ADTRP: variants seen among roughly 807,000 people sequenced by gnomAD.
The protein encoded by ADTRP is androgen-dependent TFPI-regulating protein.
A neutral mutation model predicts 27.0 loss-of-function variants in ADTRP; 20 were observed. The observed-to-expected ratio is 0.74, with a 90% confidence interval of 0.52 to 1.08. ADTRP has a LOEUF of 1.08. ADTRP is among the 50% of genes least tolerant of loss of function. ADTRP has a pLI of 0.00. For missense variants in ADTRP, 251 were observed against 275.0 expected (o/e 0.91, Z 0.62); for synonymous variants, 101 against 105.2 (o/e 0.96, Z 0.25).
intron 4 of ADTRP, among the ~76,000 whole-genome samples, chr6:11,734,548 G>A (rs1762484529): frequency 6.6e-6 from 1 of 152,160 alleles, no homozygotes; most frequent in Non-Finnish European, 1.5e-5. Context: ...GGGAAAGAGG[G>A]GCACAGAAAG....
chr6:11,777,305 G>A (rs953129664), intron 1 of ADTRP, among the ~76,000 whole-genome samples: 4 of 151,796 alleles, frequency 2.6e-5, no homozygotes, highest in Admixed American at 2.6e-4. Flanking sequence ...TGAGTGTGGT[G>A]ATAAATCTAT....
intron 3 of ADTRP, among the ~76,000 whole-genome samples, chr6:11,758,126 T>C (rs1763271040): frequency 6.6e-6 from 1 of 152,214 alleles, no homozygotes; most frequent in South Asian, 2.1e-4. Flanking sequence ...GGAAGTGACC[T>C]TCCCTTTAGA....
chr6:11,741,731 A>AC (rs1276762825), intron 3 of ADTRP, among the ~76,000 whole-genome samples: 1 of 151,470 alleles, frequency 6.6e-6, no homozygotes, highest in African/African-American at 2.4e-5. Flanking sequence ...TAAAAAAAAA[A>AC]GATATGGGAT....
In ADTRP at chr6:11,727,306, C is replaced by T. The variant is rs560924965; in HGVS notation, c.507-3806G>A. On this transcript the variant is annotated intron_variant, in intron 4 of 5. Transcript: ENST00000414691. ...AAGTGCTGGGATTACAAGCATGAGCCACCATGGCCAGCCTAGAGTTCTTTA... is the reference window on the plus strand; with the variant it reads ...AAGTGCTGGGATTACAAGCATGAGCTACCATGGCCAGCCTAGAGTTCTTTA... Among the ~76,000 whole-genome samples, 7 of 152,334 alleles carry T rather than the reference C, an allele frequency of 4.6e-5. No individual in the cohort carries two copies. In the South Asian group the frequency reaches 1.5e-3, roughly 32 times the overall value.
intron 4 of ADTRP, among the ~76,000 whole-genome samples, chr6:11,725,564 C>A (rs1460190995): frequency 6.6e-6 from 1 of 152,104 alleles, no homozygotes; most frequent in African/African-American, 2.4e-5. Flanking sequence ...GAAATTGGAA[C>A]CCTTGTTCAT....
chr6:11,723,215 G>T, intron 5 of ADTRP, 134 bp downstream of exon 5: 1 of 1,279,552 alleles, frequency 7.8e-7, no homozygotes, highest in Non-Finnish European at 1.1e-6. Context: ...GGCAGGACCT[G>T]TCTGAGTACT....
chr6:11,755,096 A>T (rs2235402), intron 3 of ADTRP: 224,222 of 984,512 alleles, frequency 0.23, 29,473 homozygotes, highest in East Asian at 0.66. Context: ...ATGGTTGCCA[A>T]GGATGTGAGC....
chr6:11,758,799 G>A (rs1763309496), intron 3 of ADTRP, among the ~76,000 whole-genome samples: 1 of 152,156 alleles, frequency 6.6e-6, no homozygotes, highest in Non-Finnish European at 1.5e-5. Flanking sequence ...TCAGGGTGGT[G>A]TTGGTACATT....
intron 4 of ADTRP, among the ~76,000 whole-genome samples, chr6:11,725,660 T>C (rs1247395879): frequency 2.0e-5 from 3 of 152,126 alleles, no homozygotes; most frequent in Non-Finnish European, 4.4e-5. Flanking sequence ...TACCATCTGA[T>C]CCAGCAATTC....
intron 4 of ADTRP, among the ~76,000 whole-genome samples, chr6:11,727,770 G>T (rs1441838144): frequency 5.3e-5 from 8 of 152,118 alleles, no homozygotes; most frequent in African/African-American, 1.9e-4. Context: ...CAGAGATACA[G>T]AGTATGAGGC....
chr6:11,740,333 C>A (rs1214382633), intron 3 of ADTRP, among the ~76,000 whole-genome samples: 1 of 152,168 alleles, frequency 6.6e-6, no homozygotes, highest in African/African-American at 2.4e-5. Flanking sequence ...AACAAGATCT[C>A]ATTTCTGAGT....
chr6:11,744,652 T>C (rs1234512034), intron 3 of ADTRP, among the ~76,000 whole-genome samples: 1 of 152,148 alleles, frequency 6.6e-6, no homozygotes, highest in Non-Finnish European at 1.5e-5. Flanking sequence ...TCTTCATCAA[T>C]CTGTAATTCA....
intron 4 of ADTRP, among the ~76,000 whole-genome samples, chr6:11,732,402 A>G (rs969844296): frequency 7.2e-5 from 11 of 152,172 alleles, no homozygotes; most frequent in African/African-American, 2.7e-4. Context: ...CAGTGGGCCC[A>G]TAGCCACTTC....
At chr6:11,714,917 A>C (rs210914) in intron 5 of ADTRP, among the ~76,000 whole-genome samples, 130,996 of 152,216 alleles carry the variant, frequency 0.86, 56,703 homozygotes, top group East Asian at 1. Context: ...TGGATGTTCA[A>C]CTAATTGGGG....
intron 3 of ADTRP, among the ~76,000 whole-genome samples, chr6:11,759,477 T>C (rs908146021): frequency 5.9e-5 from 9 of 152,198 alleles, no homozygotes; most frequent in African/African-American, 2.2e-4. Flanking sequence ...ACTTTTTCTA[T>C]TGATAGGTAA....
chr6:11,729,431 T>G (rs950368286), intron 4 of ADTRP, among the ~76,000 whole-genome samples: 6 of 152,166 alleles, frequency 3.9e-5, no homozygotes, highest in African/African-American at 7.2e-5. Context: ...CCCATGGTTT[T>G]CTAACTTCCT....
chr6:11,752,205 G>A (rs1028257299), intron 3 of ADTRP, among the ~76,000 whole-genome samples: 1 of 151,928 alleles, frequency 6.6e-6, no homozygotes, highest in African/African-American at 2.4e-5. Context: ...TTACTTTCTT[G>A]TTGGTAAGCC....
chr6:11,735,535 A>T lies in ADTRP; in HGVS notation c.506+33T>A, dbSNP rs2281127. On this transcript the variant is annotated intron_variant, in intron 4 of 5. Coordinates refer to ENST00000414691, the MANE Select transcript of ADTRP (RefSeq NM_032744.4). ...ACTTCCCTCAGGGTCTTGAACGACA[A>T]GCCTAAGTTGACTTTCTCCATGTAA... The T allele has an allele frequency of 4.6e-6, 7 of 1,537,868 alleles. No individual in the cohort carries two copies. The East Asian group carries it at 1.6e-4, about 35-fold the overall frequency.
At position 11,735,647 on chromosome 6, in the gene ADTRP, C is replaced by T. The variant is rs765658816; in HGVS notation, c.427G>A (p.Val143Ile). The T allele has an allele frequency of 5.6e-5, 90 of 1,613,782 alleles. No individual in the cohort carries two copies. Among genetic ancestry groups the T allele is most frequent in the Non-Finnish European group, 6.9e-5 (81 of 1,179,876 alleles). The change falls in exon 4 of 6, where the codon GTC becomes ATC. Residue 143 changes from valine (V) to isoleucine (I), a missense_variant. Val to Ile is a conservative substitution (Grantham distance 29, BLOSUM62 3). Coordinates refer to ENST00000414691, the MANE Select transcript of ADTRP (RefSeq NM_032744.4). ...GATGGATAGGAGTGAGGCCTGAGGA[C>T]GACTTCAGCCAATGTGATGGGGAAT... is the stretch of plus-strand genomic sequence containing the variant. Reference protein sequence around the residue: ...FIFPITLAEVVLRPHSYPSKK... With the variant: ...FIFPITLAEVILRPHSYPSKK...
Sources: allele counts gnomAD v4.1 joint callset (sites outside exome capture counted in the v4.1 genomes callset), GRCh38; gene constraint gnomAD v4.1.1; transcripts MANE v1.5; gene names NCBI Gene and HGNC (gene_info 2026-07-23, HGNC 2026-07-21).